Variants in CDKN2A observed in about 807,000 individuals in gnomAD.
The protein encoded by CDKN2A is cyclin dependent kinase inhibitor 2A, also known as cyclin-dependent kinase inhibitor 2A.
Under a neutral mutation model 11.1 loss-of-function variants are expected in CDKN2A, and 3 were observed. The observed-to-expected ratio is 0.27, with a 90% confidence interval of 0.12 to 0.70. The LOEUF (loss-of-function observed/expected upper bound fraction) is 0.70, where lower values mean the gene tolerates loss of function less well. Among genes scored for constraint, CDKN2A ranks in the 30% least tolerant of loss-of-function variants. The pLI, the probability that CDKN2A is intolerant of heterozygous loss-of-function variation, is 0.77. For synonymous variants in CDKN2A, 122 were observed against 108.1 expected (o/e 1.13, Z -0.80); for missense variants, 265 against 233.6 (o/e 1.13, Z -0.88).
intron 2 of CDKN2A, chr9:21,970,643 G>GT: frequency 1.6e-6 from 1 of 610,308 alleles, no homozygotes; most frequent in Non-Finnish European, 2.9e-6. Flanking sequence ...GAGGGTAGGT[G>GT]TTTGGGTGGT....
At chr9:21,985,323 C>G (rs1020411819) in intron 2 of CDKN2A, among the ~76,000 whole-genome samples, 1 of 151,904 alleles carries the variant, frequency 6.6e-6, no homozygotes, top group African/African-American at 2.4e-5. Flanking sequence ...CTTTGATATC[C>G]TACTTCTAAA....
chr9:21,971,040 G>C lies in CDKN2A; in HGVS notation c.319C>G (p.Arg107Gly). ...LHRAGARLDV[R>G]DAWGRLPVDL... ...ACGGGCAGACGGCCCCAGGCATCGC[G>C]CACGTCCAGCCGCGCCCCGGCCCGG... The change falls in exon 2 of 3, where the codon CGC becomes GGC. Residue 107 changes from arginine to glycine, a missense_variant. Arg to Gly is a moderately radical substitution (Grantham distance 125, BLOSUM62 -2). Transcript: ENST00000304494. 2 of 1,605,726 alleles carry C rather than the reference G, an allele frequency of 1.2e-6. No homozygotes were observed. Among genetic ancestry groups the C allele is most frequent in the Non-Finnish European group, 1.7e-6 (2 of 1,179,342 alleles).
Position 21,974,358 on chromosome 9 carries a change from TTTTA to T in CDKN2A, c.150+316_150+319del. 6.7e-7 allele frequency: 1 copy of T among 1,496,800 alleles called. No homozygotes were observed. Among genetic ancestry groups the T allele is most frequent in the South Asian group, 1.2e-5 (1 of 82,816 alleles). The allele number at this position is 1,496,800 out of a possible 1,614,324, so 92.7% of individuals were successfully genotyped here. On this transcript the variant is annotated intron_variant, in intron 1 of 2. Transcript: ENST00000304494. The surrounding 1 kb of genome is among the most constrained non-coding windows in gnomAD (Gnocchi z 5.2). The stretch of plus-strand genomic sequence containing the variant: ...ATCTTACATTTCTTTAAGACTCCCT[TTTTA>T]TCCCAAACGTTCGTAAATTTTGTAT...
chr9:21,971,371 C>G, intron 1 of CDKN2A, 163 bp from the exon 2 acceptor site: 1 of 1,484,614 alleles, frequency 6.7e-7, no homozygotes. Flanking sequence ...CTTGAGTTCT[C>G]TATCCATTCT....
chr9:21,976,683 A>G (rs1294797765), upstream of CDKN2A, among the ~76,000 whole-genome samples: 1 of 151,762 alleles, frequency 6.6e-6, no homozygotes, highest in East Asian at 1.9e-4. Context: ...GCGCCATTGC[A>G]CTCCAGCCTG....
chr9:21,982,927 G>C (rs1268363851), intron 2 of CDKN2A, among the ~76,000 whole-genome samples: 4 of 151,698 alleles, frequency 2.6e-5, no homozygotes, highest in Non-Finnish European at 5.9e-5. Flanking sequence ...TCAAACTTAA[G>C]GTTCTCAGTT....
intron 2 of CDKN2A, among the ~76,000 whole-genome samples, chr9:21,969,418 T>A (rs2131085048): frequency 6.6e-6 from 1 of 152,284 alleles, no homozygotes; most frequent in Non-Finnish European, 1.5e-5. Flanking sequence ...AAGACTCTTG[T>A]TTGGTCTCAT....
At chr9:21,974,861 C>T (rs1800586), upstream of CDKN2A, 21 of 1,509,518 alleles carry the variant, frequency 1.4e-5, no homozygotes, top group Non-Finnish European at 1.8e-5. This position sits in a 1 kb window ranked among gnomAD's most constrained non-coding sequence, Gnocchi z 5.2. Flanking sequence ...TGCTCTCCCC[C>T]TCTCCGCAGC....
At chr9:21,970,796 C>T (rs1280163019) in intron 2 of CDKN2A, 106 bp downstream of exon 2, 1 of 1,403,448 alleles carries the variant, frequency 7.1e-7, no homozygotes, top group East Asian at 2.4e-5. Context: ...TGAGCTGAGG[C>T]AAGACCGGAG....
upstream of CDKN2A, among the ~76,000 whole-genome samples, chr9:21,978,856 T>C (rs571378321): frequency 3.3e-5 from 5 of 152,336 alleles, no homozygotes; most frequent in African/African-American, 9.6e-5. Flanking sequence ...GTTCCACTTA[T>C]TGGTTCTTTA....
Position 21,968,602 on chromosome 9 carries a change from T to C in CDKN2A, c.458-360A>G. ...TGCCAGGCGCGAAGGCGTGAAGATG[T>C]GGCCTTTCCCTTCCCGCATCCCCAG... On this transcript the variant is annotated intron_variant, in intron 2 of 2. Transcript: ENST00000304494. The surrounding 1 kb of genome is among the most constrained non-coding windows in gnomAD (Gnocchi z 4.7). 6.7e-7 allele frequency: 1 copy of C among 1,495,078 alleles called. No individual in the cohort carries two copies. Among genetic ancestry groups the C allele is most frequent in the South Asian group, 1.3e-5 (1 of 76,490 alleles). 92.6% of individuals were successfully genotyped at this position (1,495,078 alleles called of 1,614,324 possible).
chr9:21,992,975 A>G (rs898457458), intron 2 of CDKN2A, among the ~76,000 whole-genome samples: 8 of 152,348 alleles, frequency 5.3e-5, no homozygotes, highest in African/African-American at 1.9e-4. Flanking sequence ...AAAGTAAAAA[A>G]TAAAATGTGC....
intron 2 of CDKN2A, chr9:21,992,129 C>T: frequency 2.4e-6 from 2 of 825,522 alleles, no homozygotes; most frequent in Non-Finnish European, 2.9e-6. Flanking sequence ...AACATATTTG[C>T]AGAAACTTAA....
chr9:21,975,260 C>G, upstream of CDKN2A: 1 of 607,368 alleles, frequency 1.6e-6, no homozygotes, highest in Non-Finnish European at 2.1e-6. Flanking sequence ...TGAGTGCGTT[C>G]ACTCTGTTAA....
At position 21,974,696 on chromosome 9, in the gene CDKN2A, G is replaced by A. The variant is rs1554656253; in HGVS notation, c.132C>T (p.Tyr44=). The change falls in exon 1 of 3, where the codon TAC becomes TAT. Residue 44 remains tyrosine (Y), a synonymous_variant. Coordinates refer to ENST00000304494, the MANE Select transcript of CDKN2A (RefSeq NM_000077.5). This position sits in a 1 kb window ranked among gnomAD's most constrained non-coding sequence, Gnocchi z 5.2. ...AGALPNAPNS[Y]GRRPIQVMMM... ...TACCCACCTGGATCGGCCTCCGACC[G>A]TAACTATTCGGTGCGTTGGGCAGCG... 4 of 1,613,694 alleles carry A rather than the reference G, an allele frequency of 2.5e-6. No individual in the cohort carries two copies. The highest frequency in any genetic ancestry group is 3.4e-6 in the Non-Finnish European group (4 of 1,179,968).
At chr9:21,970,836 T>A in intron 2 of CDKN2A, 66 bp downstream of exon 2, 1 of 1,586,840 alleles carries the variant, frequency 6.3e-7, no homozygotes, top group South Asian at 1.1e-5. Flanking sequence ...CTTTCTGTGC[T>A]GGAAAATGAA....
At chr9:21,990,929 T>C (rs1185952195) in intron 2 of CDKN2A, among the ~76,000 whole-genome samples, 1 of 152,184 alleles carries the variant, frequency 6.6e-6, no homozygotes, top group East Asian at 1.9e-4. Context: ...TACAAAATTG[T>C]TTTTCTTGAT....
rs370616561 is a variant in CDKN2A at position 21,972,036 on chromosome 9, C to A, written c.151-828G>T. Among the ~76,000 whole-genome samples, 62 of 151,164 alleles carry A rather than the reference C, an allele frequency of 4.1e-4. 1 individual carries two copies. The highest frequency in any genetic ancestry group is 1.4e-3 in the African/African-American group (58 of 41,100). ...CCTCCCACCCCCCAGCTCTAGTAAC[C>A]ACCATTCTACTCTTTACTGCTAAGA... On this transcript the variant is annotated intron_variant, in intron 1 of 2. Coordinates refer to ENST00000304494, the MANE Select transcript of CDKN2A (RefSeq NM_000077.5).
intron 2 of CDKN2A, chr9:21,992,152 T>C: frequency 1.2e-6 from 1 of 819,914 alleles, no homozygotes; most frequent in Non-Finnish European, 1.5e-6. Context: ...AAAGTTAAAA[T>C]AACATCTTAT....
Sources: gnomAD v4.1 joint callset for allele counts (sites outside exome capture counted in the v4.1 genomes callset) on GRCh38, gnomAD v4.1.1 for gene constraint, Gnocchi (gnomAD v3.1) non-coding constraint, MANE v1.5 for transcripts, NCBI Gene and HGNC (gene_info 2026-07-23, HGNC 2026-07-21) for gene names.